The following SV2B variants were observed in gnomAD, a reference collection of about 807,000 sequenced individuals.
The protein encoded by SV2B is solute carrier family 22 member B2.
Under a neutral mutation model 73.9 loss-of-function variants are expected in SV2B, and 41 were observed. The ratio of observed to expected loss-of-function variants is 0.56; its 90% confidence interval spans 0.43 to 0.72. The LOEUF is 0.72. SV2B is among the 30% of genes least tolerant of loss of function. SV2B has a pLI of 0.00. For synonymous variants in SV2B, 314 were observed against 314.2 expected (o/e 1.00, Z 0.01); for missense variants, 764 against 857.8 (o/e 0.89, Z 1.37).
At chr15:91,244,144 A>C (rs1196748503) in intron 2 of SV2B, among the ~76,000 whole-genome samples, 1 of 152,196 alleles carries the variant, frequency 6.6e-6, no homozygotes, top group Non-Finnish European at 1.5e-5. Flanking sequence ...CAGAGAGGAA[A>C]TCTCTTAACC....
chr15:91,131,224 A>G (rs1231438955), intron 1 of SV2B, among the ~76,000 whole-genome samples: 1 of 144,224 alleles, frequency 6.9e-6, no homozygotes, highest in African/African-American at 2.6e-5. Flanking sequence ...TCCTGGGCTC[A>G]TGCAATTCTC....
chr15:91,148,102 T>C (rs1009082048), intron 1 of SV2B, among the ~76,000 whole-genome samples: 2 of 148,384 alleles, frequency 1.3e-5, no homozygotes, highest in Admixed American at 6.9e-5. Flanking sequence ...TGTCTCAGCC[T>C]TCCAAGTAGC....
At chr15:91,158,002 C>G (rs2043548882) in intron 1 of SV2B, among the ~76,000 whole-genome samples, 1 of 152,192 alleles carries the variant, frequency 6.6e-6, no homozygotes, top group South Asian at 2.1e-4. Context: ...TTGGTTGAGT[C>G]CCCATTTTGT....
At chr15:91,264,112 C>T (rs957586584) in intron 6 of SV2B, among the ~76,000 whole-genome samples, 8 of 152,256 alleles carry the variant, frequency 5.3e-5, no homozygotes, top group African/African-American at 1.7e-4. Context: ...TCCCCACTTG[C>T]GTCTTACTCT....
intron 1 of SV2B, among the ~76,000 whole-genome samples, chr15:91,205,666 C>T (rs1347579918): frequency 6.6e-6 from 1 of 152,014 alleles, no homozygotes; most frequent in East Asian, 1.9e-4. Context: ...ACGCCCTGCC[C>T]AGGATAACAA....
At position 91,123,690 on chromosome 15, in the gene SV2B, C is replaced by T. The variant is rs933305239; in HGVS notation, c.-392+23327C>T. Among the ~76,000 whole-genome samples the T allele has an allele frequency of 5.3e-5, 8 of 152,204 alleles. 1 individual carries two copies. In the South Asian group the frequency reaches 1.2e-3, roughly 24 times the overall value. On this transcript the variant is annotated intron_variant, in intron 1 of 12. Coordinates refer to ENST00000394232, the MANE Select transcript of SV2B (RefSeq NM_001323032.3). This position sits in a 1 kb window ranked among gnomAD's most constrained non-coding sequence, Gnocchi z 4.7. ...TGTCTAGCACTTTCTGAAGAGTAGA[C>T]GTGAGGAGCGGTAGAGTTGTGATGC...
At chr15:91,276,837 T>TA (rs200338133) in intron 9 of SV2B, among the ~76,000 whole-genome samples, 3 of 150,452 alleles carry the variant, frequency 2.0e-5, no homozygotes, top group Admixed American at 6.6e-5. Context: ...TTATTATTAT[T>TA]TGAGACAGAG....
intron 6 of SV2B, among the ~76,000 whole-genome samples, chr15:91,262,141 C>T (rs1328072492): frequency 6.6e-6 from 1 of 152,200 alleles, no homozygotes; most frequent in Non-Finnish European, 1.5e-5. Context: ...TTGACACTTT[C>T]TAGCTGTGTG....
intron 1 of SV2B, among the ~76,000 whole-genome samples, chr15:91,207,944 A>ACCTT (rs2045704693): frequency 6.6e-6 from 1 of 152,156 alleles, no homozygotes; most frequent in African/African-American, 2.4e-5. Flanking sequence ...TCAGAGAGTG[A>ACCTT]CTTTCCCAGG....
upstream of SV2B, among the ~76,000 whole-genome samples, chr15:91,099,605 G>A (rs1309757064): frequency 6.6e-6 from 1 of 152,200 alleles, no homozygotes; most frequent in African/African-American, 2.4e-5. Context: ...TTAGTGGGTG[G>A]TGGTTTGGAA....
chr15:91,213,965 A>G (rs76281744), intron 1 of SV2B, among the ~76,000 whole-genome samples: 437 of 152,326 alleles, frequency 2.9e-3, no homozygotes, highest in Middle Eastern at 0.014. Context: ...TGAAAATGGA[A>G]TCACCATTTC....
Position 91,241,034 on chromosome 15 carries a change from G to A in SV2B, c.452-10785G>A, listed in dbSNP as rs1242125027. Among the ~76,000 whole-genome samples, 1 of 152,166 alleles carries A rather than the reference G, an allele frequency of 6.6e-6. No individual in the cohort carries two copies. Among genetic ancestry groups the A allele is most frequent in the African/African-American group, 2.4e-5 (1 of 41,430 alleles). On this transcript the variant is annotated intron_variant, in intron 2 of 12. Transcript: ENST00000394232. The surrounding 1 kb of genome is among the most constrained non-coding windows in gnomAD (Gnocchi z 4.8). ...TGCAGTCATCCACTGACTGGGCCATGTGCTCTCATTCCTGGAGAATTTTAG... is the reference window on the plus strand; with the variant it reads ...TGCAGTCATCCACTGACTGGGCCATATGCTCTCATTCCTGGAGAATTTTAG...
intron 2 of SV2B, among the ~76,000 whole-genome samples, chr15:91,243,019 T>G (rs1053239859): frequency 3.3e-5 from 5 of 152,170 alleles, no homozygotes; most frequent in Non-Finnish European, 5.9e-5. Flanking sequence ...CACTCCCTAT[T>G]AGGGATGTCT....
At chr15:91,225,413 A>C (rs969934744) in intron 1 of SV2B, among the ~76,000 whole-genome samples, 1 of 152,228 alleles carries the variant, frequency 6.6e-6, no homozygotes, top group African/African-American at 2.4e-5. Flanking sequence ...AATAACCTCC[A>C]CTATTGCCAA....
chr15:91,231,288 A>G lies in SV2B; in HGVS notation c.451+4574A>G, dbSNP rs139049947. 2.0e-5 allele frequency among the ~76,000 whole-genome samples: 3 copies of G among 152,202 alleles called. No homozygotes were observed. Among genetic ancestry groups the G allele is most frequent in the South Asian group, 2.1e-4 (1 of 4,812 alleles). On this transcript the variant is annotated intron_variant, in intron 2 of 12. Coordinates refer to ENST00000394232, the MANE Select transcript of SV2B (RefSeq NM_001323032.3). The surrounding 1 kb of genome is among the most constrained non-coding windows in gnomAD (Gnocchi z 4.5). The stretch of plus-strand genomic sequence containing the variant: ...GCTGTTTAATGGGGAGCTATGAAAT[A>G]TGCCGTTGAGGAAGGAGGTGATAAG...
At chr15:91,112,561 G>C (rs1482283878) in intron 1 of SV2B, among the ~76,000 whole-genome samples, 1 of 152,196 alleles carries the variant, frequency 6.6e-6, no homozygotes, top group Admixed American at 6.5e-5. Context: ...GGAGTGGAAA[G>C]TTCTGTTTGA....
chr15:91,153,543 A>G (rs2043382378), intron 1 of SV2B, among the ~76,000 whole-genome samples: 1 of 152,122 alleles, frequency 6.6e-6, no homozygotes. Context: ...AGGATTTAAT[A>G]AGCTGATTCA....
chr15:91,189,844 T>C (rs1314944668), intron 1 of SV2B, among the ~76,000 whole-genome samples: 4 of 152,084 alleles, frequency 2.6e-5, no homozygotes, highest in Non-Finnish European at 5.9e-5. Flanking sequence ...ATAAATTAGT[T>C]GGGTGTAATG....
intron 2 of SV2B, among the ~76,000 whole-genome samples, chr15:91,244,147 T>C (rs2047133540): frequency 6.6e-6 from 1 of 152,242 alleles, no homozygotes; most frequent in African/African-American, 2.4e-5. Context: ...AGAGGAAATC[T>C]CTTAACCTCA....
Sources: gnomAD v4.1 joint callset for allele counts (sites outside exome capture counted in the v4.1 genomes callset) on GRCh38, gnomAD v4.1.1 for gene constraint, Gnocchi (gnomAD v3.1) non-coding constraint, MANE v1.5 for transcripts, NCBI Gene and HGNC (gene_info 2026-07-23, HGNC 2026-07-21) for gene names.